Variants in AGMAT observed in about 807,000 individuals in gnomAD.
AGMAT encodes the protein agmatinase (putative), also known as guanidino acid hydrolase, mitochondrial.
In AGMAT, 37 loss-of-function variants were observed where a neutral mutation model predicts 29.3. The observed-to-expected ratio is 1.26, with a 90% confidence interval of 0.97 to 1.66. The LOEUF (loss-of-function observed/expected upper bound fraction) is 1.66, where lower values mean the gene tolerates loss of function less well. Among genes scored for constraint, AGMAT ranks in the 40% most tolerant of loss-of-function variants. The probability of loss-of-function intolerance (pLI) is 0.00; values close to 1 mark genes in which losing one functional copy is unlikely to be tolerated. For missense variants in AGMAT, 498 were observed against 497.8 expected, an observed-to-expected ratio of 1.00 and a Z score of 0.00; for synonymous variants, 199 against 200.8, an observed-to-expected ratio of 0.99 and a Z score of 0.08.
intron 2 of AGMAT, among the ~76,000 whole-genome samples, chr1:15,582,283 A>T (rs921867020): frequency 2.0e-5 from 3 of 152,166 alleles, no homozygotes; most frequent in African/African-American, 7.2e-5. Context: ...AAAGAAAAAA[A>T]AAAAAGATAT....
intron 5 of AGMAT, among the ~76,000 whole-genome samples, chr1:15,576,455 A>T (rs183434694): frequency 4.9e-5 from 7 of 144,306 alleles, no homozygotes; most frequent in African/African-American, 1.8e-4. Flanking sequence ...TTTGAGGTGG[A>T]GTCTTGCTCT....
intron 1 of AGMAT, among the ~76,000 whole-genome samples, chr1:15,583,655 G>C (rs1472885085): frequency 6.6e-6 from 1 of 152,140 alleles, no homozygotes; most frequent in Non-Finnish European, 1.5e-5. Context: ...GAGAATCACC[G>C]ATCTAGGCTA....
Position 15,580,151 on chromosome 1 carries a change from A to G in AGMAT, c.476-9T>C. On this transcript the variant is annotated splice_polypyrimidine_tract_variant and intron_variant, in intron 2 of 6. Transcript: ENST00000375826. ...GATTGTGTGATCTCCACCTGCAAAG[A>G]GGAAGAAGAAAACATCTGGAAAGTG... is the stretch of plus-strand genomic sequence containing the variant. 1 of 1,603,142 alleles carries G rather than the reference A, an allele frequency of 6.2e-7. No homozygotes were observed.
At chr1:15,575,144 G>A (rs1055359098) in intron 5 of AGMAT, 5 of 226,218 alleles carry the variant, frequency 2.2e-5, no homozygotes, top group Non-Finnish European at 3.6e-5. Flanking sequence ...GTAATAGCCT[G>A]GAGAGGTGGG....
In AGMAT at chr1:15,573,415, AAAATC is replaced by A. The variant is rs1638987557; in HGVS notation, c.*231_*235del. On this transcript the variant is annotated 3_prime_UTR_variant, in exon 7 of 7. Coordinates refer to ENST00000375826, the MANE Select transcript of AGMAT (RefSeq NM_024758.5). The stretch of plus-strand genomic sequence containing the variant: ...TCCTCCATCTTTCATCAAAGGAAAA[AAAATC>A]AAAGCAGTACAAGTACTCCTTTTTT... 14 of 431,548 alleles carry A rather than the reference AAAATC, an allele frequency of 3.2e-5. No homozygotes were observed. In the South Asian group the frequency reaches 5.6e-4, roughly 17 times the overall value. The allele number at this position is 431,548 out of a possible 1,614,324, so 26.7% of individuals were successfully genotyped here.
chr1:15,578,966 A>G lies in AGMAT; in HGVS notation c.613T>C (p.Phe205Leu). 6.2e-7 allele frequency: 1 copy of G among 1,614,126 alleles called. No homozygotes were observed. Among genetic ancestry groups the G allele is most frequent in the Admixed American group, 1.7e-5 (1 of 60,010 alleles). The stretch of plus-strand genomic sequence containing the variant: ...AGACCCTCATCCACACACCGGCGGA[A>G]GGGCGCCCCGTGGTAGAGCTTCTCT... ...LGEKLYHGAP[F>L]RRCVDEGLLD... Residue 205 changes from phenylalanine (F) to leucine (L), a missense_variant, in exon 4 of 7, where the codon TTC (phenylalanine) becomes CTC (leucine). Physicochemically the swap from Phe to Leu is conservative, Grantham distance 22 (BLOSUM62 0). Transcript: ENST00000375826.
chr1:15,583,462 G>T (rs1230607980), intron 1 of AGMAT, 67 bp from the exon 2 acceptor site: 3 of 1,474,094 alleles, frequency 2.0e-6, no homozygotes, highest in Admixed American at 3.9e-5. Context: ...TTAGGCCAGG[G>T]CTTCTCAGCC....
In AGMAT at chr1:15,573,307, C is replaced by T. The variant is rs1638986146; in HGVS notation, c.*344G>A. The T allele has an allele frequency of 5.0e-6, 1 of 201,984 alleles. No homozygotes were observed. Among genetic ancestry groups the T allele is most frequent in the Admixed American group, 5.3e-5 (1 of 18,780 alleles). The allele number at this position is 201,984 out of a possible 1,614,324, so 12.5% of individuals were successfully genotyped here. On this transcript the variant is annotated 3_prime_UTR_variant, in exon 7 of 7. Coordinates refer to ENST00000375826, the MANE Select transcript of AGMAT (RefSeq NM_024758.5). ...GATATAGAAATATGGAATGCTTATA[C>T]AGTATTATTTCATAGTTTTTTTAAA...
At chr1:15,578,760 G>T in intron 4 of AGMAT, 99 bp downstream of exon 4, 1 of 1,321,672 alleles carries the variant, frequency 7.6e-7, no homozygotes, top group Non-Finnish European at 1.0e-6. Flanking sequence ...CTTCAGACTT[G>T]ATTAGTAAAG....
At chr1:15,579,483 G>A (rs1333816850) in intron 3 of AGMAT, among the ~76,000 whole-genome samples, 6 of 152,108 alleles carry the variant, frequency 3.9e-5, no homozygotes, top group Non-Finnish European at 7.3e-5. Context: ...ATCCAAATCC[G>A]TGAGGAATAA....
chr1:15,574,693 T>G, intron 6 of AGMAT, 64 bp downstream of exon 6: 1 of 1,445,026 alleles, frequency 6.9e-7, no homozygotes, highest in Non-Finnish European at 9.7e-7. Context: ...TTCTACTTAT[T>G]AACTAGCTTC....
intron 2 of AGMAT, among the ~76,000 whole-genome samples, chr1:15,582,628 C>T (rs1005070374): frequency 6.6e-6 from 1 of 152,172 alleles, no homozygotes; most frequent in Non-Finnish European, 1.5e-5. Flanking sequence ...GGGAAAGCTG[C>T]CCTATAGGTT....
intron 2 of AGMAT, among the ~76,000 whole-genome samples, chr1:15,581,128 G>A (rs1177559459): frequency 6.6e-6 from 1 of 152,078 alleles, no homozygotes; most frequent in Non-Finnish European, 1.5e-5. Flanking sequence ...CAAGCAGATC[G>A]CCTGAGCCCA....
At chr1:15,579,179 T>C in intron 3 of AGMAT, 125 bp from the exon 4 acceptor site, 4 of 867,952 alleles carry the variant, frequency 4.6e-6, no homozygotes, top group Non-Finnish European at 7.0e-6. Flanking sequence ...ATCCGTTTTC[T>C]GCCTTGCAAC....
chr1:15,583,052 G>A (rs6429756), intron 2 of AGMAT, 141 bp downstream of exon 2: 426,334 of 736,048 alleles, frequency 0.58, 126,474 homozygotes, highest in African/African-American at 0.79. Flanking sequence ...TAAAATAAAT[G>A]AATTACAATG....
At position 15,583,315 on chromosome 1, in the gene AGMAT, G is replaced by A. The variant is rs1213386987; in HGVS notation, c.353C>T (p.Ser118Phe). 5 of 1,614,186 alleles carry A rather than the reference G, an allele frequency of 3.1e-6. No individual in the cohort carries two copies. Among genetic ancestry groups the A allele is most frequent in the Non-Finnish European group, 3.4e-6 (4 of 1,180,034 alleles). The change falls in exon 2 of 7, where the codon TCC becomes TTC. Residue 118 changes from serine to phenylalanine, a missense_variant. Coordinates refer to ENST00000375826, the MANE Select transcript of AGMAT (RefSeq NM_024758.5). ...NPSTGALPFQ[S>F]LMVADLGDVN... ...ATCGCCTAGGTCTGCAACCATGAGG[G>A]ACTGGAAGGGGAGGGCCCCCGTGCT... is the stretch of plus-strand genomic sequence containing the variant.
At position 15,578,959 on chromosome 1, in the gene AGMAT, C is replaced by A. The variant is rs201546181; in HGVS notation, c.620G>T (p.Arg207Leu). The stretch of plus-strand genomic sequence containing the variant: ...GTCCAGGAGACCCTCATCCACACAC[C>A]GGCGGAAGGGCGCCCCGTGGTAGAG... The part of the protein sequence containing the change: ...EKLYHGAPFR[R>L]CVDEGLLDCK... The change falls in exon 4 of 7, where the codon CGG (arginine) becomes CTG (leucine). Residue 207 changes from arginine to leucine, a missense_variant. Physicochemically the swap from Arg to Leu is moderately radical, Grantham distance 102. Coordinates refer to ENST00000375826, the MANE Select transcript of AGMAT (RefSeq NM_024758.5). The A allele has an allele frequency of 6.2e-7, 1 of 1,614,054 alleles. No individual in the cohort carries two copies. The highest frequency in any genetic ancestry group is 8.5e-7 in the Non-Finnish European group (1 of 1,180,030).
intron 1 of AGMAT, among the ~76,000 whole-genome samples, chr1:15,583,881 G>A (rs1430979178): frequency 6.6e-6 from 1 of 152,226 alleles, no homozygotes; most frequent in East Asian, 1.9e-4. Flanking sequence ...TTGCTGAGCT[G>A]AATCAGAAAT....
At chr1:15,582,971 C>G (rs999482113) in intron 2 of AGMAT, among the ~76,000 whole-genome samples, 2 of 152,212 alleles carry the variant, frequency 1.3e-5, no homozygotes, top group Admixed American at 6.5e-5. Flanking sequence ...GCACTCCAGT[C>G]TGGGTAACAG....
Sources: allele counts gnomAD v4.1 joint callset (sites outside exome capture counted in the v4.1 genomes callset), GRCh38; gene constraint gnomAD v4.1.1; transcripts MANE v1.5; gene names NCBI Gene and HGNC (gene_info 2026-07-23, HGNC 2026-07-21).